NCKAP1: variants seen among roughly 807,000 people sequenced by gnomAD.
NCKAP1 encodes the protein nck-associated protein 1.
Under a neutral mutation model 151.2 loss-of-function variants are expected in NCKAP1, and 21 were observed. That is an observed-to-expected ratio of 0.14 (90% confidence interval 0.10 to 0.20). The LOEUF (loss-of-function observed/expected upper bound fraction) is 0.20, where lower values mean the gene tolerates loss of function less well. Among genes scored for constraint, NCKAP1 ranks in the 10% least tolerant of loss-of-function variants. The pLI is 1.00. For synonymous variants in NCKAP1, 484 were observed against 451.8 expected (o/e 1.07, Z -0.90); for missense variants, 933 against 1,352.1 (o/e 0.69, Z 4.86).
At chr2:182,984,423 G>GGGTGTGTGTGTGT (rs984252600) in intron 10 of NCKAP1, among the ~76,000 whole-genome samples, 1 of 144,282 alleles carries the variant, frequency 6.9e-6, no homozygotes, top group Non-Finnish European at 1.6e-5. Flanking sequence ...TTTAGATTGG[G>GGGTGTGTGTGTGT]GTGTGTGTGT....
chr2:182,942,256 A>G (rs1297099426), intron 23 of NCKAP1, 93 bp from the exon 24 acceptor site: 4 of 894,058 alleles, frequency 4.5e-6, no homozygotes, highest in Non-Finnish European at 7.0e-6. Flanking sequence ...GGCAAGTAGG[A>G]AACACAATTC....
Position 182,957,533 on chromosome 2 carries a change from T to G in NCKAP1, c.1945A>C (p.Thr649Pro), listed in dbSNP as rs755577121. 5 of 1,614,032 alleles carry G rather than the reference T, an allele frequency of 3.1e-6. No homozygotes were observed. Among genetic ancestry groups the G allele is most frequent in the Middle Eastern group, 1.7e-4 (1 of 6,060 alleles). The change falls in exon 19 of 31, where the codon ACT (threonine) becomes CCT (proline). Residue 649 changes from threonine (T) to proline (P), a missense_variant. Physicochemically the swap from Thr to Pro is conservative, Grantham distance 38. Transcript: ENST00000361354. ...QAVNKKSKKQ[T>P]GKKGEPEREK... is the part of the protein sequence containing the mutation. ...CTTTCAGGTTCCCCTTTCTTACCAG[T>G]CTGCTTTTTTGATTTCTTATTCACT... is the stretch of plus-strand genomic sequence containing the variant.
At chr2:182,986,131 T>C in intron 10 of NCKAP1, 40 bp downstream of exon 10, 1 of 1,586,630 alleles carries the variant, frequency 6.3e-7, no homozygotes. Flanking sequence ...TAAGAATTTT[T>C]CTTGATTAAA....
rs370330730 is a variant in NCKAP1 at position 183,035,814 on chromosome 2, C to G, written c.108+2178G>C. Among the ~76,000 whole-genome samples the G allele has an allele frequency of 3.2e-3, 486 of 152,208 alleles. 2 individuals are homozygous for G. Among genetic ancestry groups the G allele is most frequent in the Non-Finnish European group, 5.5e-3 (372 of 67,968 alleles). On this transcript the variant is annotated intron_variant, in intron 1 of 30. Coordinates refer to ENST00000361354, the MANE Select transcript of NCKAP1 (RefSeq NM_013436.5). ...GTATTATTATTAAAACTAGAGCACA[C>G]AGGTTTTGAGAGAGAGGAGGGAAGT... is the stretch of plus-strand genomic sequence containing the variant.
At chr2:182,975,260 T>C (rs1220482702) in intron 15 of NCKAP1, among the ~76,000 whole-genome samples, 1 of 152,192 alleles carries the variant, frequency 6.6e-6, no homozygotes, top group Non-Finnish European at 1.5e-5. Context: ...ACCTATAATA[T>C]ATACACATTT....
chr2:183,026,317 G>GA (rs961881956), intron 1 of NCKAP1, among the ~76,000 whole-genome samples: 17 of 150,290 alleles, frequency 1.1e-4, no homozygotes, highest in Non-Finnish European at 1.6e-4. Context: ...GGCTTTAAGA[G>GA]AAAAAAAAAT....
At chr2:182,996,197 A>C (rs1298600074) in intron 6 of NCKAP1, among the ~76,000 whole-genome samples, 5 of 152,246 alleles carry the variant, frequency 3.3e-5, no homozygotes, top group Admixed American at 3.3e-4. Flanking sequence ...AGTTTCTGAT[A>C]GTTCCAAAAG....
At chr2:182,948,020 C>T (rs1006882398) in intron 23 of NCKAP1, among the ~76,000 whole-genome samples, 1 of 152,014 alleles carries the variant, frequency 6.6e-6, no homozygotes, top group African/African-American at 2.4e-5. Context: ...AGAACTCAAA[C>T]AAAATCACTA....
chr2:182,962,201 G>A lies in NCKAP1; in HGVS notation c.1839C>T (p.Leu613=). Residue 613 remains leucine, a synonymous_variant, in exon 18 of 31, where the codon CTC becomes CTT. Transcript: ENST00000361354. The part of the protein sequence containing the change: ...LDEMAKQARN[L]ITDICTEQCT... ...ACTGTTCTGTGCAAATATCAGTGATGAGATTTCGAGCTTGTTTGGCCATTT... is the reference window on the plus strand; with the variant it reads ...ACTGTTCTGTGCAAATATCAGTGATAAGATTTCGAGCTTGTTTGGCCATTT... 6.2e-7 allele frequency: 1 copy of A among 1,612,972 alleles called. No homozygotes were observed. The highest frequency in any genetic ancestry group is 8.5e-7 in the Non-Finnish European group (1 of 1,179,294).
In NCKAP1 at chr2:182,965,547, T is replaced by G. The variant is rs1280514583; in HGVS notation, c.1629-739A>C. ...GATGTTAAATCTAAATGTAAAAGAA[T>G]GTGAGTCAATAAAACACTACATATC... On this transcript the variant is annotated intron_variant, in intron 16 of 30. Transcript: ENST00000361354. Among the ~76,000 whole-genome samples the G allele has an allele frequency of 2.6e-5, 4 of 152,010 alleles. No individual in the cohort carries two copies. The East Asian group carries it at 5.8e-4, about 22-fold the overall frequency.
rs964669292 is a variant in NCKAP1 at position 182,910,604 on chromosome 2, G to A, written c.*15098C>T. The A allele has an allele frequency of 2.0e-5, 3 of 152,204 alleles. No individual in the cohort carries two copies. Among genetic ancestry groups the A allele is most frequent in the Admixed American group, 6.5e-5 (1 of 15,280 alleles). 9.4% of individuals were successfully genotyped at this position (152,204 alleles called of 1,614,324 possible). The stretch of plus-strand genomic sequence containing the variant: ...AGATAGATGATGCTGTGAGGGCTGC[G>A]GCTGTGCTCTGCACTTCTGTGTACG... On this transcript the variant is annotated 3_prime_UTR_variant, in exon 31 of 31. Transcript: ENST00000361354.
intron 26 of NCKAP1, among the ~76,000 whole-genome samples, chr2:182,931,556 A>G (rs1451192252): frequency 6.6e-6 from 1 of 152,160 alleles, no homozygotes; most frequent in African/African-American, 2.4e-5. Flanking sequence ...GTAAGAGCTA[A>G]AACTGTAAAA....
chr2:182,978,899 G>T lies in NCKAP1; in HGVS notation c.1358C>A (p.Pro453His). The T allele has an allele frequency of 6.2e-7, 1 of 1,607,486 alleles. No individual in the cohort carries two copies. The highest frequency in any genetic ancestry group is 1.1e-5 in the South Asian group (1 of 90,252). The stretch of plus-strand genomic sequence containing the variant: ...GGACATGATGATTGATTCATCTTCA[G>T]GGCAAACAGAAAGATTCTGAAAAAC... ...NELVQNLSVC[P>H]EDESIIMSSF... Residue 453 changes from proline (P) to histidine (H), a missense_variant, in exon 14 of 31, where the codon CCT (proline) becomes CAT (histidine). Around this residue, in one of 2 missense-constraint regions of NCKAP1, gnomAD observed 607 missense variants for 795.0 expected, o/e 0.76. Coordinates refer to ENST00000361354, the MANE Select transcript of NCKAP1 (RefSeq NM_013436.5).
Position 182,983,861 on chromosome 2 carries a change from C to T in NCKAP1, c.1005-479G>A, listed in dbSNP as rs530800299. ...CAGCCTGGGCAACATGACAAAACTC[C>T]GTCTCTACTAAAAATACAAAACATT... On this transcript the variant is annotated intron_variant, in intron 10 of 30. Transcript: ENST00000361354. Among the ~76,000 whole-genome samples the T allele has an allele frequency of 5.3e-5, 8 of 152,060 alleles. No individual in the cohort carries two copies. The East Asian group carries it at 5.8e-4, about 11-fold the overall frequency.
At chr2:182,993,675 A>T (rs563021488) in intron 8 of NCKAP1, among the ~76,000 whole-genome samples, 1 of 152,112 alleles carries the variant, frequency 6.6e-6, no homozygotes, top group Non-Finnish European at 1.5e-5. Context: ...CTAAACACTG[A>T]GTATACATGG....
At chr2:182,982,753 C>T (rs1044905910) in intron 12 of NCKAP1, 68 bp downstream of exon 12, 1 of 1,014,940 alleles carries the variant, frequency 9.9e-7, no homozygotes, top group East Asian at 2.6e-5. Flanking sequence ...TCTATCAGGA[C>T]ATAACCCCAT....
chr2:182,980,875 G>A (rs1486006669), intron 13 of NCKAP1, among the ~76,000 whole-genome samples: 1 of 151,934 alleles, frequency 6.6e-6, no homozygotes, highest in Non-Finnish European at 1.5e-5. Flanking sequence ...CTCCTCATTT[G>A]GTTCCCAGCA....
At chr2:182,999,279 G>C (rs575807831) in intron 6 of NCKAP1, among the ~76,000 whole-genome samples, 1 of 151,982 alleles carries the variant, frequency 6.6e-6, no homozygotes, top group Non-Finnish European at 1.5e-5. Context: ...GAATCTATAC[G>C]GAACTTAAAT....
chr2:182,924,009 A>C lies in NCKAP1; in HGVS notation c.*1693T>G, dbSNP rs1466693126. The C allele has an allele frequency of 6.6e-6, 1 of 152,188 alleles. No individual in the cohort carries two copies. The highest frequency in any genetic ancestry group is 1.9e-4 in the East Asian group (1 of 5,196). The allele number at this position is 152,188 out of a possible 1,614,324, so 9.4% of individuals were successfully genotyped here. A position where few individuals can be genotyped will look rare whatever the true frequency, so the allele number is the denominator to read the frequency against. Reference sequence around the variant, plus strand: ...TACCTCTCCAGAGATCACTGCCAACAAAGTTATTACCTCTCTAAGATCCTA... The same window carrying C: ...TACCTCTCCAGAGATCACTGCCAACCAAGTTATTACCTCTCTAAGATCCTA... On this transcript the variant is annotated 3_prime_UTR_variant, in exon 31 of 31. Coordinates refer to ENST00000361354, the MANE Select transcript of NCKAP1 (RefSeq NM_013436.5).
Sources: allele counts gnomAD v4.1 joint callset (sites outside exome capture counted in the v4.1 genomes callset), GRCh38; gene constraint gnomAD v4.1.1; regional missense constraint gnomAD v4.1.1; transcripts MANE v1.5; gene names NCBI Gene and HGNC (gene_info 2026-07-23, HGNC 2026-07-21).